Variants in USP31 observed in about 807,000 individuals in gnomAD.
USP31 encodes the protein ubiquitin carboxyl-terminal hydrolase 31.
Under a neutral mutation model 119.4 loss-of-function variants are expected in USP31, and 44 were observed. That is an observed-to-expected ratio of 0.37 (90% CI 0.29 to 0.47). The LOEUF is 0.47. Ranked by LOEUF, USP31 falls within the 20% of genes least tolerant of loss-of-function variation. The pLI is 0.99. For missense variants in USP31, 1,643 were observed against 1,730.2 expected, an observed-to-expected ratio of 0.95 and a Z score of 0.89; for synonymous variants, 749 against 705.6, an observed-to-expected ratio of 1.06 and a Z score of -0.97.
chr16:23,087,806 T>TCTC lies in USP31; in HGVS notation c.1444_1445insGAG (p.Leu481_Glu482insGly). ...CAGAAGGTCCCAAGCTATTGTCTTC[T>TCTC]CTAAGTGCAGCACAAAAGGCAGTCC... is the stretch of plus-strand genomic sequence containing the variant. On this transcript the variant is annotated inframe_insertion, in exon 8 of 16. Coordinates refer to ENST00000219689, the MANE Select transcript of USP31 (RefSeq NM_020718.4). 6.2e-7 allele frequency: 1 copy of TCTC among 1,613,934 alleles called. No individual in the cohort carries two copies. The highest frequency in any genetic ancestry group is 8.5e-7 in the Non-Finnish European group (1 of 1,180,020).
chr16:23,094,561 T>A (rs970059789), intron 6 of USP31, among the ~76,000 whole-genome samples: 3 of 152,126 alleles, frequency 2.0e-5, no homozygotes, highest in African/African-American at 7.2e-5. Context: ...GGTCCCTGAC[T>A]CCCATGTAGC....
Position 23,068,274 on chromosome 16 carries a change from AGGCTGGT to A in USP31, c.3824_3830del (p.His1275LeufsTer40). The stretch of plus-strand genomic sequence containing the variant: ...TTGCATTTGGCTGCTGGGAAGCTGG[AGGCTGGT>A]GGCCTCTCTCTGCCTCGTCGTCCCC... On this transcript the variant is annotated frameshift_variant, in exon 16 of 16. Coordinates refer to ENST00000219689, the MANE Select transcript of USP31 (RefSeq NM_020718.4). LOFTEE classifies it high-confidence loss of function. The A allele has an allele frequency of 6.2e-7, 1 of 1,614,106 alleles. No homozygotes were observed. Among genetic ancestry groups the A allele is most frequent in the Non-Finnish European group, 8.5e-7 (1 of 1,179,946 alleles).
intron 1 of USP31, chr16:23,115,694 T>C (rs555059854): frequency 7.2e-4 from 579 of 802,646 alleles, no homozygotes; most frequent in Non-Finnish European, 8.2e-4. Context: ...CCTGCTCCTA[T>C]TATCCCCTCA....
At chr16:23,098,089 A>G (rs957269091) in intron 6 of USP31, among the ~76,000 whole-genome samples, 7 of 152,226 alleles carry the variant, frequency 4.6e-5, no homozygotes, top group African/African-American at 1.4e-4. Context: ...GTCTCAGCCC[A>G]AAATCTCCTT....
intron 5 of USP31, 117 bp from the exon 6 acceptor site, chr16:23,102,580 G>C: frequency 8.6e-7 from 1 of 1,163,556 alleles, no homozygotes; most frequent in Non-Finnish European, 1.2e-6. Context: ...GAGACATCTC[G>C]CAGAGCCCAC....
rs1239707277 is a variant in USP31, at chr16:23,149,200, C to CTGAA, written c.67_70dup (p.Ser24IlefsTer57). ...GCGGCCGCTCCGAAACAGCCGCTTGCTGAAGGAGCGCTTCTCCTTCCCGCT... is the reference window on the plus strand; with the variant it reads ...GCGGCCGCTCCGAAACAGCCGCTTGCTGAATGAAGGAGCGCTTCTCCTTCCCGCT... On this transcript the variant is annotated frameshift_variant, in exon 1 of 16. Transcript: ENST00000219689. LOFTEE classifies it high-confidence loss of function. 1 of 1,156,548 alleles carries CTGAA rather than the reference C, an allele frequency of 8.6e-7. No individual in the cohort carries two copies. Among genetic ancestry groups the CTGAA allele is most frequent in the Non-Finnish European group, 1.1e-6 (1 of 936,612 alleles). The allele number at this position is 1,156,548 out of a possible 1,614,324, so 71.6% of individuals were successfully genotyped here. A position where few individuals can be genotyped will look rare whatever the true frequency, so the allele number is the denominator to read the frequency against.
intron 1 of USP31, among the ~76,000 whole-genome samples, chr16:23,138,295 A>G (rs1337954257): frequency 6.6e-6 from 1 of 152,214 alleles, no homozygotes; most frequent in Non-Finnish European, 1.5e-5. Context: ...CCATGGGACC[A>G]CAAATAAAAC....
chr16:23,140,090 C>G (rs544654683), intron 1 of USP31, among the ~76,000 whole-genome samples: 39 of 152,260 alleles, frequency 2.6e-4, no homozygotes, highest in African/African-American at 8.4e-4. Context: ...CACCATCAGA[C>G]CCATTTTTCT....
Position 23,068,116 on chromosome 16 carries a change from G to A in USP31, c.3989C>T (p.Ala1330Val). Residue 1330 changes from alanine to valine, a missense_variant, in exon 16 of 16, where the codon GCA becomes GTA. Physicochemically the swap from Ala to Val is moderately conservative, Grantham distance 64 (BLOSUM62 0). Around this residue, in one of 5 missense-constraint regions of USP31, gnomAD observed 699 missense variants for 650.9 expected, o/e 1.07. Transcript: ENST00000219689. ...AGATAACTTTTTTGAGGATTTCTCT[G>A]CAGACTGCCTGCCACCCGGAGACGA... ...VPSSPGGRQS[A>V]EKSSKKLSSS... 1 of 1,614,236 alleles carries A rather than the reference G, an allele frequency of 6.2e-7. No homozygotes were observed. The highest frequency in any genetic ancestry group is 8.5e-7 in the Non-Finnish European group (1 of 1,180,050).
At chr16:23,144,680 C>T (rs1201679735) in intron 1 of USP31, among the ~76,000 whole-genome samples, 1 of 152,034 alleles carries the variant, frequency 6.6e-6, no homozygotes, top group Non-Finnish European at 1.5e-5. Flanking sequence ...TGGGGTTTCA[C>T]CATGTTGTCC....
rs150605415 is a variant in USP31 at position 23,148,477 on chromosome 16, G to A, written c.633+161C>T. ...TGAGTGAGTGAATAAATGAATGAAT[G>A]AATGAATCTCCTTAAAATCACTGGT... On this transcript the variant is annotated intron_variant, in intron 1 of 15. Transcript: ENST00000219689. Among the ~76,000 whole-genome samples, 351 of 152,356 alleles carry A rather than the reference G, an allele frequency of 2.3e-3. 2 individuals carry two copies. Among genetic ancestry groups the A allele is most frequent in the African/African-American group, 8.0e-3 (331 of 41,586 alleles).
At chr16:23,087,285 T>C in intron 8 of USP31, 99 bp from the exon 9 acceptor site, 1 of 1,012,584 alleles carries the variant, frequency 9.9e-7, no homozygotes, top group East Asian at 2.5e-5. Context: ...CAGTAAACTG[T>C]TTATTCTGCA....
At chr16:23,095,511 C>T (rs1901566428) in intron 6 of USP31, among the ~76,000 whole-genome samples, 1 of 152,146 alleles carries the variant, frequency 6.6e-6, no homozygotes, top group South Asian at 2.1e-4. Flanking sequence ...CACAAAGATA[C>T]TCCTCGAGAA....
Position 23,109,545 on chromosome 16 carries a change from G to A in USP31, c.634-1362C>T, listed in dbSNP as rs201114786. ...TATATCAATAATCCCCCCTCCAGGA[G>A]GTAGAGCTTACCACCCCTACACCTT... On this transcript the variant is annotated intron_variant, in intron 1 of 15. Transcript: ENST00000219689. Among the ~76,000 whole-genome samples, 25 of 152,278 alleles carry A rather than the reference G, an allele frequency of 1.6e-4. No individual in the cohort carries two copies. In the East Asian group the frequency reaches 4.4e-3, roughly 27 times the overall value.
rs542122118 is a variant in USP31, at chr16:23,074,110, A to G, written c.2177-230T>C. 5.4e-5 allele frequency: 29 copies of G among 540,324 alleles called. No homozygotes were observed. The African/African-American group carries it at 5.5e-4, about 10-fold the overall frequency. The allele number at this position is 540,324 out of a possible 1,614,324, so 33.5% of individuals were successfully genotyped here. ...AGTAGATGCAGTTCCAGTTCATCTT[A>G]GAAAACACATACTTATTTAAACCAA... On this transcript the variant is annotated intron_variant, in intron 13 of 15. Coordinates refer to ENST00000219689, the MANE Select transcript of USP31 (RefSeq NM_020718.4).
chr16:23,084,488 T>G (rs1567229784), intron 11 of USP31, among the ~76,000 whole-genome samples: 2 of 152,158 alleles, frequency 1.3e-5, no homozygotes, highest in Non-Finnish European at 2.9e-5. Context: ...TTAATTTAAA[T>G]TTAAATAGGT....
chr16:23,097,817 G>A (rs1368253331), intron 6 of USP31, among the ~76,000 whole-genome samples: 19 of 152,148 alleles, frequency 1.2e-4, no homozygotes, highest in Admixed American at 9.2e-4. Context: ...TTGATGGAAC[G>A]TGTATCAAAA....
chr16:23,072,230 C>A (rs1360362872), intron 14 of USP31, 33 bp from the exon 15 acceptor site: 1 of 1,588,460 alleles, frequency 6.3e-7, no homozygotes, highest in East Asian at 2.2e-5. Flanking sequence ...AGAGGTCAGG[C>A]TGGGGTCCCT....
intron 13 of USP31, among the ~76,000 whole-genome samples, chr16:23,077,171 T>C (rs1900612749): frequency 6.6e-6 from 1 of 152,240 alleles, no homozygotes; most frequent in Non-Finnish European, 1.5e-5. Context: ...CTAGCTTCTT[T>C]CTCTCCTTGA....
Sources: allele counts gnomAD v4.1 joint callset (sites outside exome capture counted in the v4.1 genomes callset), GRCh38; gene constraint gnomAD v4.1.1; regional missense constraint gnomAD v4.1.1; transcripts MANE v1.5; gene names NCBI Gene and HGNC (gene_info 2026-07-23, HGNC 2026-07-21).